The following FLII variants were observed in gnomAD, a reference collection of about 807,000 sequenced individuals.
The protein encoded by FLII is FLII actin remodeling protein, also known as protein flightless-1 homolog.
Under a neutral mutation model 156.2 loss-of-function variants are expected in FLII, and 101 were observed. The observed-to-expected ratio is 0.65, with a 90% CI of 0.55 to 0.76. FLII has a LOEUF of 0.76. FLII is among the 30% of genes least tolerant of loss of function. The probability of loss-of-function intolerance (pLI) is 0.00; values close to 1 mark genes in which losing one functional copy is unlikely to be tolerated. For missense variants in FLII, 1,675 were observed against 1,682.8 expected, an observed-to-expected ratio of 1.00 and a Z score of 0.08; for synonymous variants, 767 against 685.8, an observed-to-expected ratio of 1.12 and a Z score of -1.85.
rs760605829 is a variant in FLII at position 18,249,243 on chromosome 17, C to T, written c.1860-42G>A. On this transcript the variant is annotated intron_variant, in intron 15 of 29. Transcript: ENST00000327031. ...AGTGGCTCAGTGTAGGCACCAAGGGCCTAACTTAGCCCCAACACCCTCCCC... is the reference window on the plus strand; with the variant it reads ...AGTGGCTCAGTGTAGGCACCAAGGGTCTAACTTAGCCCCAACACCCTCCCC... The T allele has an allele frequency of 8.1e-6, 13 of 1,611,600 alleles. No homozygotes were observed. In the Admixed American group the frequency reaches 2.2e-4, roughly 27 times the overall value.
chr17:18,253,316 G>C lies in FLII; in HGVS notation c.998C>G (p.Pro333Arg), dbSNP rs1370305614. 1.9e-6 allele frequency: 3 copies of C among 1,613,914 alleles called. No homozygotes were observed. In the East Asian group the frequency reaches 6.7e-5, roughly 36 times the overall value. Residue 333 changes from proline to arginine, a missense_variant, in exon 9 of 30, where the codon CCT becomes CGT. Transcript: ENST00000327031. ...MAANNNLELV[P>R]ESLCRCPKLR... is the part of the protein sequence containing the mutation. ...TGCCCAGCACCTGCAGAGACTTTCA[G>C]GGACCAGCTCCAGGTTGTTGTTGGC...
In FLII at chr17:18,254,207, G is replaced by A. The variant is rs1371480417; in HGVS notation, c.576-25C>T. 1.3e-6 allele frequency: 2 copies of A among 1,567,026 alleles called. 1 individual carries two copies. Among genetic ancestry groups the A allele is most frequent in the South Asian group, 2.3e-5 (2 of 87,060 alleles). Reference sequence around the variant, plus strand: ...CCTGCCAGGGTGACGTGAGTGGTCAGGGCCAGGGCCCACCTAGGGAGTGTT... The same window carrying A: ...CCTGCCAGGGTGACGTGAGTGGTCAAGGCCAGGGCCCACCTAGGGAGTGTT... On this transcript the variant is annotated intron_variant, in intron 6 of 29. Coordinates refer to ENST00000327031, the MANE Select transcript of FLII (RefSeq NM_002018.4).
chr17:18,258,251 G>A lies in FLII; in HGVS notation c.63+377C>T, dbSNP rs2048487766. Among the ~76,000 whole-genome samples, 1 of 152,202 alleles carries A rather than the reference G, an allele frequency of 6.6e-6. No homozygotes were observed. The highest frequency in any genetic ancestry group is 1.5e-5 in the Non-Finnish European group (1 of 68,028). On this transcript the variant is annotated intron_variant, in intron 1 of 29. Coordinates refer to ENST00000327031, the MANE Select transcript of FLII (RefSeq NM_002018.4). This position sits in a 1 kb window ranked among gnomAD's most constrained non-coding sequence, Gnocchi z 4.2. ...GCTCCACACCCGCCCCTGGGCAGCCGGGCAGCCATCCCTGAGTCAGGGCCT... is the reference window on the plus strand; with the variant it reads ...GCTCCACACCCGCCCCTGGGCAGCCAGGCAGCCATCCCTGAGTCAGGGCCT...
At chr17:18,256,286 T>C (rs200228704) in intron 3 of FLII, among the ~76,000 whole-genome samples, 1 of 152,160 alleles carries the variant, frequency 6.6e-6, no homozygotes, top group South Asian at 2.1e-4. Flanking sequence ...TAACGGCTGG[T>C]AAGATTTTGG....
In FLII at chr17:18,256,977, G is replaced by C; in HGVS notation, c.106C>G (p.Arg36Gly). 2 of 1,611,412 alleles carry C rather than the reference G, an allele frequency of 1.2e-6. No individual in the cohort carries two copies. The highest frequency in any genetic ancestry group is 1.7e-6 in the Non-Finnish European group (2 of 1,178,994). Residue 36 changes from arginine to glycine, a missense_variant, in exon 2 of 30, where the codon CGG (arginine) becomes GGG (glycine). By Grantham distance (125) the Arg-to-Gly change is moderately radical (BLOSUM62 -2). Coordinates refer to ENST00000327031, the MANE Select transcript of FLII (RefSeq NM_002018.4). ...CCAGTGCGGTTCAGCTTCAGCCACC[G>C]CAGGCTGGTCATGGCCTTGACATTC... is the stretch of plus-strand genomic sequence containing the variant. ...PENVKAMTSL[R>G]WLKLNRTGLC...
chr17:18,253,108 C>A (rs1312791527), intron 9 of FLII, among the ~76,000 whole-genome samples, 193 bp downstream of exon 9: 1 of 152,196 alleles, frequency 6.6e-6, no homozygotes, highest in Non-Finnish European at 1.5e-5. Context: ...CGAGATTGCA[C>A]CACTACATTC....
At chr17:18,256,253 A>G (rs2048413719) in intron 3 of FLII, among the ~76,000 whole-genome samples, 1 of 152,260 alleles carries the variant, frequency 6.6e-6, no homozygotes, top group Non-Finnish European at 1.5e-5. Flanking sequence ...AGTCTTGGCT[A>G]TTATTACTGT....
At position 18,253,287 on chromosome 17, in the gene FLII, G is replaced by C. The variant is rs765913731; in HGVS notation, c.1013+14C>G. The C allele has an allele frequency of 1.9e-6, 3 of 1,613,496 alleles. No individual in the cohort carries two copies. Among genetic ancestry groups the C allele is most frequent in the African/African-American group, 2.7e-5 (2 of 74,918 alleles). ...GCTGCAAGTGCCTCTGCTAGCCCCA[G>C]CCCTGCCCAGCACCTGCAGAGACTT... is the stretch of plus-strand genomic sequence containing the variant. On this transcript the variant is annotated intron_variant, in intron 9 of 29. Transcript: ENST00000327031.
chr17:18,253,676 A>AGTGT lies in FLII; in HGVS notation c.722_723insACAC (p.Cys241Ter). On this transcript the variant is annotated stop_gained and frameshift_variant, in exon 8 of 30. Transcript: ENST00000327031. LOFTEE classifies it high-confidence loss of function. Reference sequence around the variant, plus strand: ...GGCGCAGGCTGGGGAGGGTGTACAGACACTCGGGCACCCGTGTCAGGTCAT... The same window carrying AGTGT: ...GGCGCAGGCTGGGGAGGGTGTACAGAGTGTCACTCGGGCACCCGTGTCAGGTCAT... 1 of 1,613,544 alleles carries AGTGT rather than the reference A, an allele frequency of 6.2e-7. No homozygotes were observed. Among genetic ancestry groups the AGTGT allele is most frequent in the Non-Finnish European group, 8.5e-7 (1 of 1,179,970 alleles).
At chr17:18,251,883 AG>A in intron 11 of FLII, 67 bp from the exon 12 acceptor site, 1 of 1,608,414 alleles carries the variant, frequency 6.2e-7, no homozygotes, top group African/African-American at 1.3e-5. Context: ...GCGACCAACC[AG>A]GGGCCAACTC....
chr17:18,255,313 AG>A, intron 3 of FLII, 50 bp from the exon 4 acceptor site: 3 of 1,487,858 alleles, frequency 2.0e-6, no homozygotes, highest in Non-Finnish European at 2.8e-6. Context: ...ACTCTCAGGA[AG>A]GAACAGAGTC....
intron 10 of FLII, 100 bp from the exon 11 acceptor site, chr17:18,252,246 G>C: frequency 8.5e-7 from 1 of 1,183,142 alleles, no homozygotes; most frequent in Non-Finnish European, 1.2e-6. Flanking sequence ...CCAGGGCTGA[G>C]AGGTCAGGGA....
Position 18,253,691 on chromosome 17 carries a change from T to A in FLII, c.708A>T (p.Thr236=). 5 of 1,613,066 alleles carry A rather than the reference T, an allele frequency of 3.1e-6. No individual in the cohort carries two copies. Among genetic ancestry groups the A allele is most frequent in the Non-Finnish European group, 3.4e-6 (4 of 1,179,858 alleles). Residue 236 remains threonine (T), a synonymous_variant, in exon 8 of 30, where the codon ACA becomes ACT. Coordinates refer to ENST00000327031, the MANE Select transcript of FLII (RefSeq NM_002018.4). The part of the protein sequence containing the change: ...ADVDLSCNDL[T]RVPECLYTLP... ...GGGTGTACAGACACTCGGGCACCCG[T>A]GTCAGGTCATTGCAGGACAGATCCA...
At chr17:18,251,051 A>G (rs375180095) in intron 13 of FLII, 34 bp from the exon 14 acceptor site, 19 of 1,597,126 alleles carry the variant, frequency 1.2e-5, no homozygotes, top group Non-Finnish European at 1.6e-5. Flanking sequence ...ATCAGCTTTC[A>G]TCCTGGTCTT....
intron 24 of FLII, 21 bp downstream of exon 24, chr17:18,246,287 C>A (rs1357466591): frequency 6.2e-7 from 1 of 1,613,854 alleles, no homozygotes; most frequent in South Asian, 1.1e-5. Flanking sequence ...CTCGCCACTG[C>A]GTCCTCCCCC....
At chr17:18,254,726 C>G in intron 5 of FLII, 43 bp downstream of exon 5, 1 of 1,613,726 alleles carries the variant, frequency 6.2e-7, no homozygotes, top group Non-Finnish European at 8.5e-7. Context: ...CACCAGCCAC[C>G]CCACAGGGCC....
At chr17:18,255,792 T>A (rs1334942305) in intron 3 of FLII, among the ~76,000 whole-genome samples, 1 of 152,206 alleles carries the variant, frequency 6.6e-6, no homozygotes, top group Non-Finnish European at 1.5e-5. Flanking sequence ...ACTTCTCCAG[T>A]CTGAATGCCT....
At chr17:18,252,258 C>T (rs1357522469) in intron 10 of FLII, 112 bp from the exon 11 acceptor site, 3 of 1,054,184 alleles carry the variant, frequency 2.8e-6, no homozygotes, top group African/African-American at 3.1e-5. Flanking sequence ...GGTCAGGGAA[C>T]TGGGTTCTCC....
intron 14 of FLII, among the ~76,000 whole-genome samples, chr17:18,250,239 C>T (rs1222451346): frequency 1.3e-5 from 2 of 152,114 alleles, no homozygotes; most frequent in Non-Finnish European, 1.5e-5. Context: ...TTTAGATGCA[C>T]GCATATCAGG....
Sources: gnomAD v4.1 joint callset for allele counts (sites outside exome capture counted in the v4.1 genomes callset) on GRCh38, gnomAD v4.1.1 for gene constraint, Gnocchi (gnomAD v3.1) non-coding constraint, MANE v1.5 for transcripts, NCBI Gene and HGNC (gene_info 2026-07-23, HGNC 2026-07-21) for gene names.